DLL1: variants seen among roughly 807,000 people sequenced by gnomAD.
DLL1 encodes delta-like protein 1.
In DLL1, 9 loss-of-function variants were observed where a neutral mutation model predicts 75.1. The ratio of observed to expected loss-of-function variants is 0.12; its 90% CI spans 0.07 to 0.21. The LOEUF (loss-of-function observed/expected upper bound fraction) is 0.21. Ranked by LOEUF, DLL1 falls within the 10% of genes least tolerant of loss-of-function variation. DLL1 has a pLI of 1.00. For missense variants in DLL1, 837 were observed against 1,007.6 expected (o/e 0.83, Z 2.29); for synonymous variants, 477 against 418.3 (o/e 1.14, Z -1.71).
intron 1 of DLL1, 115 bp from the exon 2 acceptor site, chr6:170,289,923 C>G (rs924597375): frequency 9.0e-6 from 12 of 1,327,136 alleles, no homozygotes; most frequent in Non-Finnish European, 9.8e-6. Flanking sequence ...CGAGCGCGCT[C>G]GCTGCACGGC....
At chr6:170,284,329 C>T (rs1267649939) in intron 8 of DLL1, among the ~76,000 whole-genome samples, 2 of 152,042 alleles carry the variant, frequency 1.3e-5, no homozygotes, top group Non-Finnish European at 1.5e-5. Context: ...CCACTCGACC[C>T]AGGTTTCAGA....
Position 170,288,557 on chromosome 6 carries a change from C to T in DLL1, c.413-61G>A, listed in dbSNP as rs564355407. 1.1e-5 allele frequency: 17 copies of T among 1,613,816 alleles called. 2 individuals are homozygous for T. In the South Asian group the frequency reaches 1.5e-4, roughly 15 times the overall value. ...GAGAACCCTGTGACTCGGGACAGAGCGGGGGTGGGCCGAGACATTCAGCAC... is the reference window on the plus strand; with the variant it reads ...GAGAACCCTGTGACTCGGGACAGAGTGGGGGTGGGCCGAGACATTCAGCAC... On this transcript the variant is annotated intron_variant, in intron 3 of 10. Transcript: ENST00000366756.
intron 2 of DLL1, 36 bp downstream of exon 2, chr6:170,289,476 C>T: frequency 6.6e-7 from 1 of 1,526,694 alleles, no homozygotes; most frequent in Non-Finnish European, 8.7e-7. Context: ...CGCCCAGCTT[C>T]AGGGCCGGCC....
rs146627811 is a variant in DLL1, at chr6:170,285,365, C to T, written c.921G>A (p.Thr307=). Residue 307 remains threonine (T), a synonymous_variant, in exon 7 of 11, where the codon ACG becomes ACA. Transcript: ENST00000366756. ...PCKNGATCTN[T]GQGSYTCSCR... ...AAGAGCAAGTGTAGCTCCCCTGGCC[C>T]GTGTTGGTGCAGGTGGCTCCATTCT... 2,440 of 1,614,158 alleles carry T rather than the reference C, an allele frequency of 1.5e-3. 7 individuals carry two copies. The highest frequency in any genetic ancestry group is 2.0e-3 in the Non-Finnish European group (2,356 of 1,180,026).
intron 6 of DLL1, 57 bp downstream of exon 6, chr6:170,285,512 A>T (rs1324759280): frequency 1.2e-6 from 2 of 1,614,078 alleles, no homozygotes; most frequent in Non-Finnish European, 1.7e-6. Context: ...TCAAACAGCC[A>T]GGGAAGTCCA....
Position 170,283,458 on chromosome 6 carries a change from G to C in DLL1, c.1821C>G (p.Ile607Met). The C allele has an allele frequency of 6.2e-7, 1 of 1,612,654 alleles. No individual in the cohort carries two copies. The highest frequency in any genetic ancestry group is 8.5e-7 in the Non-Finnish European group (1 of 1,180,026). The stretch of plus-strand genomic sequence containing the variant: ...TGGTGTTCTTGATCTGCGTGGCCCC[G>C]ATGATGCTGACTGAGATGTCCTTCT... ...QREKDISVSI[I>M]GATQIKNTNK... The change falls in exon 9 of 11, where the codon ATC becomes ATG. Residue 607 changes from isoleucine to methionine, a missense_variant. Physicochemically the swap from Ile to Met is conservative, Grantham distance 10 (BLOSUM62 1). Around this residue, in one of 2 missense-constraint regions of DLL1, gnomAD observed 533 missense variants for 545.7 expected, o/e 0.98. Coordinates refer to ENST00000366756, the MANE Select transcript of DLL1 (RefSeq NM_005618.4).
intron 8 of DLL1, 73 bp downstream of exon 8, chr6:170,284,846 T>C: frequency 1.4e-6 from 2 of 1,457,856 alleles, no homozygotes; most frequent in Admixed American, 1.7e-5. Flanking sequence ...CACTCACAAA[T>C]GCTTGTTTTT....
At position 170,290,970 on chromosome 6, in the gene DLL1, C is replaced by T; in HGVS notation, c.-831G>A. The T allele has an allele frequency of 1.4e-6, 1 of 701,392 alleles. No individual in the cohort carries two copies. The highest frequency in any genetic ancestry group is 2.6e-6 in the Non-Finnish European group (1 of 384,236). The allele number at this position is 701,392 out of a possible 1,614,324, so 43.4% of individuals were successfully genotyped here. A position where few individuals can be genotyped will look rare whatever the true frequency, so the allele number is the denominator to read the frequency against. On this transcript the variant is annotated 5_prime_UTR_variant, in exon 1 of 11. Transcript: ENST00000366756. The surrounding 1 kb of genome is among the most constrained non-coding windows in gnomAD (Gnocchi z 4.7). ...TGCCGCCCTTATATTCAGCCGGCCGCCCGCATGGCTAATGAGATGCAAATC... is the reference window on the plus strand; with the variant it reads ...TGCCGCCCTTATATTCAGCCGGCCGTCCGCATGGCTAATGAGATGCAAATC...
rs752177638 is a variant in DLL1, at chr6:170,290,102, G to C, written c.38C>G (p.Ser13Trp). ...CCCGCCTACCTGACACAGCAAGGCC[G>C]AGAGCACCGCCAGGGCCAGCGCGCA... is the stretch of plus-strand genomic sequence containing the variant. ...SRCALALAVLSALLCQVWSSG... is the reference protein window; with the variant it reads ...SRCALALAVLWALLCQVWSSG... Residue 13 changes from serine (S) to tryptophan (W), a missense_variant, in exon 1 of 11, where the codon TCG becomes TGG. This residue lies in a region of DLL1 where 304 missense variants were observed against 461.9 expected (regional missense o/e 0.66). Coordinates refer to ENST00000366756, the MANE Select transcript of DLL1 (RefSeq NM_005618.4). This position sits in a 1 kb window ranked among gnomAD's most constrained non-coding sequence, Gnocchi z 4.7. The C allele has an allele frequency of 1.9e-6, 3 of 1,591,218 alleles. No homozygotes were observed. In the South Asian group the frequency reaches 3.3e-5, roughly 18 times the overall value.
intron 9 of DLL1, 50 bp downstream of exon 9, chr6:170,283,181 G>C: frequency 6.2e-7 from 1 of 1,613,560 alleles, no homozygotes; most frequent in Non-Finnish European, 8.5e-7. Context: ...GTGGTTCCAG[G>C]AAGACACCCC....
rs2114957465 is a variant in DLL1 at position 170,283,315 on chromosome 6, C to T, written c.1964G>A (p.Arg655Lys). Residue 655 changes from arginine to lysine, a missense_variant, in exon 9 of 11, where the codon AGG becomes AAG. Arg to Lys is a conservative substitution (Grantham distance 26). Coordinates refer to ENST00000366756, the MANE Select transcript of DLL1 (RefSeq NM_005618.4). ...QDLKGDDTAV[R>K]DAHSKRDTKC... ...GGTGTCACGCTTGCTGTGCGCGTCC[C>T]TGACGGCGGTGTCGTCACCCTTGAG... is the stretch of plus-strand genomic sequence containing the variant. The T allele has an allele frequency of 6.2e-7, 1 of 1,613,280 alleles. No individual in the cohort carries two copies. Among genetic ancestry groups the T allele is most frequent in the Non-Finnish European group, 8.5e-7 (1 of 1,180,022 alleles).
intron 5 of DLL1, among the ~76,000 whole-genome samples, 200 bp downstream of exon 5, chr6:170,286,038 G>T (rs1016358787): frequency 1.3e-5 from 2 of 152,196 alleles, no homozygotes; most frequent in Non-Finnish European, 2.9e-5. Context: ...CCGTTAAGGG[G>T]CTTAGACGAA....
At chr6:170,287,326 A>C (rs1430979248) in intron 4 of DLL1, among the ~76,000 whole-genome samples, 1 of 152,198 alleles carries the variant, frequency 6.6e-6, no homozygotes, top group Non-Finnish European at 1.5e-5. Context: ...AAGGTTGTCC[A>C]GTTCCAAGGA....
intron 8 of DLL1, among the ~76,000 whole-genome samples, chr6:170,284,385 C>T (rs1783648735): frequency 6.6e-6 from 1 of 151,500 alleles, no homozygotes; most frequent in Non-Finnish European, 1.5e-5. Flanking sequence ...CACAGTTACA[C>T]AGCAAGTGAG....
intron 7 of DLL1, 42 bp from the exon 8 acceptor site, chr6:170,285,177 C>T: frequency 6.2e-7 from 1 of 1,613,626 alleles, no homozygotes; most frequent in Non-Finnish European, 8.5e-7. Context: ...CAAAGTTGCT[C>T]CAAGGAGCCC....
At chr6:170,289,879 G>A in intron 1 of DLL1, 71 bp from the exon 2 acceptor site, 1 of 1,482,756 alleles carries the variant, frequency 6.7e-7, no homozygotes, top group Non-Finnish European at 9.0e-7. Context: ...GCCTGGGTGG[G>A]GGGTGTGCGG....
intron 4 of DLL1, 173 bp downstream of exon 4, chr6:170,288,066 C>G: frequency 2.2e-6 from 2 of 920,994 alleles, no homozygotes; most frequent in Non-Finnish European, 3.3e-6. Flanking sequence ...TGACCCCAAC[C>G]CCCCCACTGA....
At chr6:170,289,097 G>A in intron 2 of DLL1, 1 of 583,488 alleles carries the variant, frequency 1.7e-6, no homozygotes, top group Non-Finnish European at 3.1e-6. Context: ...AGGCCCGAGG[G>A]CCCTTGTCAT....
intron 2 of DLL1, 69 bp downstream of exon 2, chr6:170,289,443 G>T (rs1033139121): frequency 2.8e-5 from 43 of 1,520,136 alleles, no homozygotes; most frequent in Non-Finnish European, 3.8e-5. Flanking sequence ...GCCCAAGGCG[G>T]GATCCCAGCG....
Sources: gnomAD v4.1 joint callset for allele counts (sites outside exome capture counted in the v4.1 genomes callset) on GRCh38, gnomAD v4.1.1 for gene constraint, gnomAD v4.1.1 regional missense constraint, Gnocchi (gnomAD v3.1) non-coding constraint, MANE v1.5 for transcripts, NCBI Gene and HGNC (gene_info 2026-07-23, HGNC 2026-07-21) for gene names.